The following BST1 variants were observed in gnomAD, a reference collection of about 807,000 sequenced individuals.
BST1 encodes ADP-ribosyl cyclase/cyclic ADP-ribose hydrolase 2.
Under a neutral mutation model 40.6 loss-of-function variants are expected in BST1, and 49 were observed. That is an observed-to-expected ratio of 1.21 (90% CI 0.96 to 1.53). The LOEUF (loss-of-function observed/expected upper bound fraction) is 1.53, where lower values mean the gene tolerates loss of function less well. Ranked by LOEUF, BST1 falls within the 40% of genes most tolerant of loss-of-function variation. The probability of loss-of-function intolerance (pLI) is 0.00; values close to 1 mark genes in which losing one functional copy is unlikely to be tolerated. For synonymous variants in BST1, 157 were observed against 159.3 expected (o/e 0.99, Z 0.11); for missense variants, 423 against 395.9 (o/e 1.07, Z -0.58).
the BST1 span, among the ~76,000 whole-genome samples, chr4:15,759,519 A>G: frequency 6.6e-6 from 1 of 151,496 alleles, no homozygotes; most frequent in African/African-American, 2.4e-5. Flanking sequence ...TTAACTTCTC[A>G]TCTATTTTCA....
chr4:15,703,633 G>GGT lies in BST1; in HGVS notation c.188+311_188+312dup, dbSNP rs1553862806. Among the ~76,000 whole-genome samples the GGT allele has an allele frequency of 7.5e-4, 96 of 127,626 alleles. 1 individual carries two copies. The highest frequency in any genetic ancestry group is 1.0e-3 in the Non-Finnish European group (61 of 60,944). 83.7% of individuals were successfully genotyped at this position (127,626 alleles called of 152,430 possible). On this transcript the variant is annotated intron_variant, in intron 1 of 8. Transcript: ENST00000265016. The stretch of plus-strand genomic sequence containing the variant: ...GTGCGTGTGTTCTAGAGGTGAGGGG[G>GGT]GTGTGTGTGTGCGCGCGCTCTAGAG...
the BST1 span, among the ~76,000 whole-genome samples, chr4:15,767,451 G>A: frequency 1.3e-5 from 2 of 151,762 alleles, no homozygotes; most frequent in Admixed American, 6.6e-5. Flanking sequence ...CTACAGGCAC[G>A]TGCCGCCACA....
the BST1 span, among the ~76,000 whole-genome samples, chr4:15,753,843 C>A: frequency 6.6e-6 from 1 of 152,182 alleles, no homozygotes; most frequent in East Asian, 1.9e-4. Context: ...CAGAGTGAGG[C>A]AACAGGGAGG....
intron 2 of BST1, 77 bp downstream of exon 2, chr4:15,705,718 A>T: frequency 6.5e-7 from 1 of 1,542,082 alleles, no homozygotes; most frequent in Non-Finnish European, 9.0e-7. Flanking sequence ...CCAGGTTGAC[A>T]TTAGCTGTCC....
chr4:15,736,081 G>A (rs1428667263), downstream of BST1: 23 of 1,288,802 alleles, frequency 1.8e-5, no homozygotes, highest in South Asian at 2.7e-4. Context: ...GACATTAGGA[G>A]TGCGACCCAG....
At chr4:15,704,840 T>C in intron 1 of BST1, 1 of 715,838 alleles carries the variant, frequency 1.4e-6, no homozygotes, top group Non-Finnish European at 2.6e-6. Flanking sequence ...TTACTGATTT[T>C]TGTTCCTTCT....
downstream of BST1, among the ~76,000 whole-genome samples, chr4:15,738,779 G>A (rs796294928): frequency 1.1e-3 from 172 of 152,288 alleles, 1 homozygote; most frequent in African/African-American, 3.9e-3. Flanking sequence ...CTAGAAGCAG[G>A]CATGTGCCAA....
At chr4:15,764,964 C>A in the BST1 span, among the ~76,000 whole-genome samples, 2 of 151,870 alleles carry the variant, frequency 1.3e-5, no homozygotes, top group Admixed American at 1.3e-4. Context: ...CAGTTCCCCA[C>A]TTCCACCACC....
chr4:15,731,988 A>G lies in BST1; in HGVS notation c.*143A>G. ...ACGATGTCCTGAAAATGGTATTTCA[A>G]TGAGGCATATGTTCAGGATTTCAGA... On this transcript the variant is annotated 3_prime_UTR_variant, in exon 9 of 9. Transcript: ENST00000265016. 1 of 1,391,986 alleles carries G rather than the reference A, an allele frequency of 7.2e-7. No individual in the cohort carries two copies. Among genetic ancestry groups the G allele is most frequent in the Admixed American group, 3.2e-5 (1 of 31,002 alleles). The allele number at this position is 1,391,986 out of a possible 1,614,324, so 86.2% of individuals were successfully genotyped here.
chr4:15,736,234 T>C (rs1721557780), downstream of BST1: 1 of 820,670 alleles, frequency 1.2e-6, no homozygotes, highest in Middle Eastern at 2.8e-4. Context: ...CAGAGCAATG[T>C]CCTACGCTAG....
chr4:15,739,205 T>A (rs1004038961), downstream of BST1, among the ~76,000 whole-genome samples: 17 of 152,194 alleles, frequency 1.1e-4, 1 homozygote, highest in Admixed American at 9.8e-4. Context: ...GCATAACCAA[T>A]GAAGCAGGTT....
chr4:15,703,359 G>A (rs1328037573), intron 1 of BST1, 27 bp downstream of exon 1: 1 of 1,488,464 alleles, frequency 6.7e-7, no homozygotes, highest in Non-Finnish European at 8.9e-7. Context: ...GGTGGAAGGG[G>A]AGCCGGAAAG....
chr4:15,746,823 C>T, the BST1 span, among the ~76,000 whole-genome samples: 1 of 152,160 alleles, frequency 6.6e-6, no homozygotes, highest in African/African-American at 2.4e-5. Context: ...GACATGATCA[C>T]AGCATGGGTG....
At chr4:15,770,083 G>T in the BST1 span, among the ~76,000 whole-genome samples, 1 of 152,056 alleles carries the variant, frequency 6.6e-6, no homozygotes, top group Non-Finnish European at 1.5e-5. Context: ...CAAGTGATCC[G>T]CCCACCTTGG....
intron 7 of BST1, 116 bp from the exon 8 acceptor site, chr4:15,722,759 G>T: frequency 1.2e-6 from 1 of 800,546 alleles, no homozygotes; most frequent in South Asian, 1.7e-5. Context: ...GAAATAGTTT[G>T]TGTATTATTT....
chr4:15,774,152 A>T, the BST1 span, among the ~76,000 whole-genome samples: 1 of 152,192 alleles, frequency 6.6e-6, no homozygotes. Context: ...ACGTGCAGAC[A>T]GAGTGAGAAG....
Position 15,732,635 on chromosome 4 carries a change from T to G in BST1, c.*790T>G, listed in dbSNP as rs1157472681. 1 of 152,170 alleles carries G rather than the reference T, an allele frequency of 6.6e-6. No homozygotes were observed. Among genetic ancestry groups the G allele is most frequent in the Non-Finnish European group, 1.5e-5 (1 of 68,034 alleles). 9.4% of individuals were successfully genotyped at this position (152,170 alleles called of 1,614,324 possible). On this transcript the variant is annotated 3_prime_UTR_variant, in exon 9 of 9. Coordinates refer to ENST00000265016, the MANE Select transcript of BST1 (RefSeq NM_004334.3). ...ATCCAGCCATAATAGTTACTTATAA[T>G]GAGGGAAAAACCCAAAATATCCAGT...
intron 8 of BST1, chr4:15,731,332 G>A (rs771522220): frequency 3.8e-5 from 19 of 501,746 alleles, no homozygotes; most frequent in Non-Finnish European, 6.9e-5. Flanking sequence ...TTCTTGACCA[G>A]TTTCTTATTC....
At chr4:15,756,107 GAAAC>G in the BST1 span, among the ~76,000 whole-genome samples, 1 of 152,024 alleles carries the variant, frequency 6.6e-6, no homozygotes, top group Non-Finnish European at 1.5e-5. Context: ...AAATAAAACT[GAAAC>G]AAACAAAACA....
Sources: allele counts gnomAD v4.1 joint callset (sites outside exome capture counted in the v4.1 genomes callset), GRCh38; gene constraint gnomAD v4.1.1; transcripts MANE v1.5; gene names NCBI Gene and HGNC (gene_info 2026-07-23, HGNC 2026-07-21).